The following IHO1 variants were observed in gnomAD, a reference collection of about 807,000 sequenced individuals.
The protein encoded by IHO1 is interactor of HORMAD1 1, also known as interactor of HORMAD1 protein 1.
In IHO1, 13 loss-of-function variants were observed where a neutral mutation model predicts 31.0. The observed-to-expected ratio is 0.42, with a 90% CI of 0.27 to 0.67. The LOEUF is 0.67. Among genes scored for constraint, IHO1 ranks in the 30% least tolerant of loss-of-function variants. The pLI is 0.24. For missense variants in IHO1, 599 were observed against 687.5 expected (o/e 0.87, Z 1.44); for synonymous variants, 221 against 248.4 (o/e 0.89, Z 1.04).
chr3:49,196,228 C>CA (rs1210658279), upstream of IHO1, among the ~76,000 whole-genome samples: 2,408 of 43,550 alleles, frequency 0.055, 96 homozygotes, highest in African/African-American at 0.14. Flanking sequence ...GACTCCGTCA[C>CA]AAAAAAAAAA....
intron 4 of IHO1, 93 bp from the exon 5 acceptor site, chr3:49,244,311 G>T: frequency 2.5e-6 from 2 of 803,666 alleles, no homozygotes; most frequent in Non-Finnish European, 4.3e-6. Context: ...TGCTATGCTA[G>T]GTAGAGATCT....
chr3:49,220,880 A>T (rs973086846), intron 2 of IHO1, among the ~76,000 whole-genome samples: 11 of 152,190 alleles, frequency 7.2e-5, no homozygotes, highest in Non-Finnish European at 1.6e-4. Context: ...AATAAAAAAT[A>T]AAAGGTGGCG....
intron 2 of IHO1, among the ~76,000 whole-genome samples, chr3:49,227,911 C>A (rs1559445020): frequency 6.6e-6 from 1 of 152,110 alleles, no homozygotes; most frequent in African/African-American, 2.4e-5. Context: ...TCCAGATAGT[C>A]CCCCCTACGA....
At chr3:49,193,834 T>C (rs2045980190), upstream of IHO1, among the ~76,000 whole-genome samples, 1 of 149,038 alleles carries the variant, frequency 6.7e-6, no homozygotes, top group Admixed American at 6.7e-5. Context: ...TGGTGGCGCA[T>C]GCCTGTAGTC....
In IHO1 at chr3:49,241,263, C is replaced by A. The variant is rs761450321; in HGVS notation, c.269C>A (p.Pro90His). Reference protein sequence around the residue: ...PSIFTKYQTKPQLFGGDIKDG... With the variant: ...PSIFTKYQTKHQLFGGDIKDG... ...ATTTTCACAAAGTACCAGACAAAGCCCCAGCTGTTCGGAGGAGATATAAAA... is the reference window on the plus strand; with the variant it reads ...ATTTTCACAAAGTACCAGACAAAGCACCAGCTGTTCGGAGGAGATATAAAA... Residue 90 changes from proline (P) to histidine (H), a missense_variant, in exon 4 of 8, where the codon CCC becomes CAC. Pro to His is a moderately conservative substitution (Grantham distance 77). Transcript: ENST00000452691. 6.2e-7 allele frequency: 1 copy of A among 1,612,402 alleles called. No homozygotes were observed. The highest frequency in any genetic ancestry group is 8.5e-7 in the Non-Finnish European group (1 of 1,179,434).
At chr3:49,210,479 C>T (rs1294900252) in intron 1 of IHO1, among the ~76,000 whole-genome samples, 2 of 151,212 alleles carry the variant, frequency 1.3e-5, no homozygotes, top group Non-Finnish European at 2.9e-5. Context: ...CTCACTGCAA[C>T]CTCTGCCTCC....
chr3:49,250,003 C>CAGATATTGT (rs2046741165), intron 6 of IHO1, among the ~76,000 whole-genome samples: 1 of 152,140 alleles, frequency 6.6e-6, no homozygotes, highest in Non-Finnish European at 1.5e-5. Context: ...AACAGGAAAA[C>CAGATATTGT]AGATATTGTC....
In IHO1 at chr3:49,232,787, G is replaced by C. The variant is rs369349731; in HGVS notation, c.57-3761G>C. Among the ~76,000 whole-genome samples, 18 of 152,292 alleles carry C rather than the reference G, an allele frequency of 1.2e-4. No individual in the cohort carries two copies. The East Asian group carries it at 2.5e-3, about 21-fold the overall frequency. On this transcript the variant is annotated intron_variant, in intron 2 of 7. Coordinates refer to ENST00000452691, the MANE Select transcript of IHO1 (RefSeq NM_001135197.2). ...TTGTAATTTAATGATAGTTATGATA[G>C]CGGTGATCACCATTGCCATGAGTAT...
chr3:49,223,004 TCTC>T (rs1334487024), intron 2 of IHO1, among the ~76,000 whole-genome samples: 3 of 152,178 alleles, frequency 2.0e-5, no homozygotes, highest in African/African-American at 7.2e-5. Context: ...CAACACTAGA[TCTC>T]CTGGTTGAAA....
intron 6 of IHO1, among the ~76,000 whole-genome samples, chr3:49,249,427 C>T (rs1415095011): frequency 2.0e-5 from 3 of 152,026 alleles, no homozygotes; most frequent in Non-Finnish European, 4.4e-5. Flanking sequence ...CACACCACCA[C>T]GCCCAGCTAA....
At chr3:49,217,836 T>G (rs1398665875) in intron 2 of IHO1, among the ~76,000 whole-genome samples, 1 of 152,162 alleles carries the variant, frequency 6.6e-6, no homozygotes, top group Non-Finnish European at 1.5e-5. Flanking sequence ...ATAGGGTTTG[T>G]GCTCCTGTTA....
chr3:49,226,058 G>A (rs1047542835), intron 2 of IHO1, among the ~76,000 whole-genome samples: 5 of 152,142 alleles, frequency 3.3e-5, no homozygotes, highest in African/African-American at 1.2e-4. Flanking sequence ...TTTCTCATTG[G>A]ACACTCTTTT....
chr3:49,194,432 T>C (rs1323327432), upstream of IHO1, among the ~76,000 whole-genome samples: 1 of 144,994 alleles, frequency 6.9e-6, no homozygotes, highest in African/African-American at 2.5e-5. Context: ...GCCTCCTGAG[T>C]AGCTGGGACT....
the IHO1 span, chr3:49,191,810 T>C: frequency 6.5e-7 from 1 of 1,536,756 alleles, no homozygotes; most frequent in East Asian, 2.4e-5. Flanking sequence ...ACTTTCCTCT[T>C]GTCTTTTGGA....
chr3:49,230,365 T>C (rs2046467030), intron 2 of IHO1, among the ~76,000 whole-genome samples: 1 of 152,194 alleles, frequency 6.6e-6, no homozygotes, highest in African/African-American at 2.4e-5. Context: ...TTAATAGTCA[T>C]AGATTTAAAA....
chr3:49,242,931 G>A (rs2046649248), intron 4 of IHO1, among the ~76,000 whole-genome samples: 1 of 152,102 alleles, frequency 6.6e-6, no homozygotes, highest in South Asian at 2.1e-4. Context: ...AGGGGTATAT[G>A]TGCAGGTTTG....
rs1209498065 is a variant in IHO1, at chr3:49,256,842, C to A, written c.1345C>A (p.His449Asn). The change falls in exon 8 of 8, where the codon CAC becomes AAC. Residue 449 changes from histidine to asparagine, a missense_variant. Coordinates refer to ENST00000452691, the MANE Select transcript of IHO1 (RefSeq NM_001135197.2). The surrounding 1 kb of genome is among the most constrained non-coding windows in gnomAD (Gnocchi z 4.6). ...CAAGAAGCAGCAGCCCAGGAAGGCC[C>A]ACAGGGCCCACAGAGGCAGGCTCAT... ...KDKKQQPRKA[H>N]RAHRGRLIAS... is the part of the protein sequence containing the mutation. 6.2e-7 allele frequency: 1 copy of A among 1,614,116 alleles called. No homozygotes were observed. Among genetic ancestry groups the A allele is most frequent in the Non-Finnish European group, 8.5e-7 (1 of 1,179,970 alleles).
In IHO1 at chr3:49,255,494, G is replaced by A; in HGVS notation, c.636+1G>A. On this transcript the variant is annotated splice_donor_variant, in intron 7 of 7. Coordinates refer to ENST00000452691, the MANE Select transcript of IHO1 (RefSeq NM_001135197.2). LOFTEE classifies it high-confidence loss of function. Reference sequence around the variant, plus strand: ...TGAGATGAAGAAAAGATTTGAAGCTGTAAGTGTAAACCCCAACCTCTTTCT... The same window carrying A: ...TGAGATGAAGAAAAGATTTGAAGCTATAAGTGTAAACCCCAACCTCTTTCT... 1 of 1,582,520 alleles carries A rather than the reference G, an allele frequency of 6.3e-7. No homozygotes were observed. The highest frequency in any genetic ancestry group is 8.6e-7 in the Non-Finnish European group (1 of 1,165,772).
intron 3 of IHO1, among the ~76,000 whole-genome samples, chr3:49,236,925 T>C (rs2046566826): frequency 6.6e-6 from 1 of 151,508 alleles, no homozygotes; most frequent in South Asian, 2.1e-4. Flanking sequence ...CTACAAAAAG[T>C]ACAAAAATTA....
Sources: gnomAD v4.1 joint callset for allele counts (sites outside exome capture counted in the v4.1 genomes callset) on GRCh38, gnomAD v4.1.1 for gene constraint, Gnocchi (gnomAD v3.1) non-coding constraint, MANE v1.5 for transcripts, NCBI Gene and HGNC (gene_info 2026-07-23, HGNC 2026-07-21) for gene names.